The following XYLT1 variants were observed in gnomAD, a reference collection of about 807,000 sequenced individuals.
XYLT1 encodes beta-D-xylosyltransferase 1.
A neutral mutation model predicts 91.3 loss-of-function variants in XYLT1; 36 were observed. That is an observed-to-expected ratio of 0.39 (90% CI 0.30 to 0.52). The LOEUF (loss-of-function observed/expected upper bound fraction) is 0.52, where lower values mean the gene tolerates loss of function less well. Among genes scored for constraint, XYLT1 ranks in the 20% least tolerant of loss-of-function variants. XYLT1 has a pLI of 0.68. For missense variants in XYLT1, 1,242 were observed against 1,284.5 expected (o/e 0.97, Z 0.51); for synonymous variants, 588 against 532.0 (o/e 1.11, Z -1.45).
chr16:17,463,904 C>T (rs1272974011), intron 1 of XYLT1, among the ~76,000 whole-genome samples: 2 of 152,226 alleles, frequency 1.3e-5, no homozygotes, highest in African/African-American at 4.8e-5. Context: ...TATTAGCCAG[C>T]TGTTAAAAAG....
intron 10 of XYLT1, among the ~76,000 whole-genome samples, chr16:17,123,398 T>C (rs2030141437): frequency 6.6e-6 from 1 of 152,204 alleles, no homozygotes. Context: ...GCTATGAACT[T>C]TGCACTTAGC....
intron 3 of XYLT1, among the ~76,000 whole-genome samples, chr16:17,239,589 G>GTCCATCCATCCA (rs148354192): frequency 4.3e-5 from 6 of 139,830 alleles, no homozygotes; most frequent in Non-Finnish European, 9.2e-5. Flanking sequence ...CACTCACCTA[G>GTCCATCCATCCA]TCCGTCCATC....
At chr16:17,340,106 A>C (rs2035045013) in intron 2 of XYLT1, among the ~76,000 whole-genome samples, 1 of 149,966 alleles carries the variant, frequency 6.7e-6, no homozygotes, top group African/African-American at 2.5e-5. Context: ...CCACCCATCC[A>C]CCCACCCATC....
intron 1 of XYLT1, among the ~76,000 whole-genome samples, chr16:17,410,523 C>T (rs1045327329): frequency 9.9e-5 from 15 of 152,210 alleles, no homozygotes; most frequent in African/African-American, 3.4e-4. Context: ...GCAGGAAAGA[C>T]TCACCCCCAT....
At chr16:17,325,308 G>A (rs998208380) in intron 2 of XYLT1, among the ~76,000 whole-genome samples, 2 of 152,192 alleles carry the variant, frequency 1.3e-5, no homozygotes, top group African/African-American at 4.8e-5. Context: ...GGCTAAGACA[G>A]GGGAATTGCT....
intron 3 of XYLT1, among the ~76,000 whole-genome samples, chr16:17,238,777 G>A (rs2033289543): frequency 6.6e-6 from 1 of 152,226 alleles, no homozygotes; most frequent in African/African-American, 2.4e-5. Context: ...TTGCAAAGCT[G>A]TTCTTTCAGT....
At chr16:17,258,325 G>A (rs781295752) in intron 3 of XYLT1, among the ~76,000 whole-genome samples, 29 of 149,764 alleles carry the variant, frequency 1.9e-4, no homozygotes, top group Non-Finnish European at 3.1e-4. Context: ...ATTAAAATAA[G>A]GAAGAAAGGA....
intron 2 of XYLT1, among the ~76,000 whole-genome samples, chr16:17,343,768 G>A (rs1044628058): frequency 3.9e-5 from 6 of 152,160 alleles, no homozygotes; most frequent in African/African-American, 1.4e-4. Flanking sequence ...CATACCCAGT[G>A]TGCTTGGCTT....
At chr16:17,273,000 A>C (rs1293643706) in intron 2 of XYLT1, among the ~76,000 whole-genome samples, 1 of 152,198 alleles carries the variant, frequency 6.6e-6, no homozygotes, top group Non-Finnish European at 1.5e-5. Context: ...GTGGGAGAAC[A>C]TCAGAAACCC....
intron 5 of XYLT1, among the ~76,000 whole-genome samples, chr16:17,165,600 G>T (rs965835627): frequency 1.2e-4 from 19 of 152,212 alleles, no homozygotes; most frequent in African/African-American, 2.4e-4. Context: ...GCTGAGGCAT[G>T]AGAATTGCTT....
At chr16:17,262,468 A>G (rs562261956) in intron 2 of XYLT1, among the ~76,000 whole-genome samples, 1 of 152,318 alleles carries the variant, frequency 6.6e-6, no homozygotes, top group South Asian at 2.1e-4. Context: ...GTTCCCCTGC[A>G]GTGGAATAAT....
At chr16:17,240,161 T>C (rs1239064978) in intron 3 of XYLT1, among the ~76,000 whole-genome samples, 1 of 152,210 alleles carries the variant, frequency 6.6e-6, no homozygotes, top group Non-Finnish European at 1.5e-5. Context: ...ACTGCATGAA[T>C]TGCTGGGAGA....
At chr16:17,468,734 G>A (rs2036935287) in intron 1 of XYLT1, among the ~76,000 whole-genome samples, 1 of 152,096 alleles carries the variant, frequency 6.6e-6, no homozygotes, top group African/African-American at 2.4e-5. Flanking sequence ...GCATCCTAAA[G>A]GTACCTCCTG....
At chr16:17,315,209 T>C (rs976179998) in intron 2 of XYLT1, among the ~76,000 whole-genome samples, 2 of 152,236 alleles carry the variant, frequency 1.3e-5, no homozygotes, top group East Asian at 1.9e-4. Context: ...AAGCTCAGCA[T>C]GTCCTGAACC....
intron 11 of XYLT1, among the ~76,000 whole-genome samples, chr16:17,112,366 AG>A (rs1966843538): frequency 6.6e-6 from 1 of 151,952 alleles, no homozygotes; most frequent in Admixed American, 6.6e-5. Context: ...CAAGGACAGG[AG>A]GGCTGCTCTC....
intron 5 of XYLT1, among the ~76,000 whole-genome samples, chr16:17,174,245 T>C (rs1200589249): frequency 1.3e-5 from 2 of 152,350 alleles, no homozygotes; most frequent in Middle Eastern, 3.4e-3. Flanking sequence ...CTAAAGTAGC[T>C]GAACCACATA....
intron 1 of XYLT1, among the ~76,000 whole-genome samples, chr16:17,443,565 C>T (rs772983248): frequency 5.9e-5 from 9 of 152,168 alleles, no homozygotes; most frequent in African/African-American, 7.2e-5. Flanking sequence ...TCCAGCTATG[C>T]GGAACTGTGA....
chr16:17,400,003 C>G, intron 1 of XYLT1, among the ~76,000 whole-genome samples: 1 of 152,336 alleles, frequency 6.6e-6, no homozygotes, highest in Admixed American at 6.5e-5. Flanking sequence ...ATCCAGCCAG[C>G]GGACTTCTTC....
chr16:17,313,111 C>T (rs1466509266), intron 2 of XYLT1, among the ~76,000 whole-genome samples: 1 of 152,220 alleles, frequency 6.6e-6, no homozygotes, highest in Non-Finnish European at 1.5e-5. Context: ...GCCTCATCTG[C>T]TCTCAGGTTT....
Sources: gnomAD v4.1 joint callset for allele counts (sites outside exome capture counted in the v4.1 genomes callset) on GRCh38, gnomAD v4.1.1 for gene constraint, MANE v1.5 for transcripts, NCBI Gene and HGNC (gene_info 2026-07-23, HGNC 2026-07-21) for gene names.